Variants in STPG2 observed in about 807,000 individuals in gnomAD.
STPG2 encodes the protein sperm-tail PG-rich repeat-containing protein 2.
In STPG2, 56 loss-of-function variants were observed where a neutral mutation model predicts 54.2. The ratio of observed to expected loss-of-function variants is 1.03; its 90% CI spans 0.83 to 1.29. STPG2 has a LOEUF of 1.29. Ranked by LOEUF, STPG2 falls within the 50% of genes most tolerant of loss-of-function variation. The probability of loss-of-function intolerance (pLI) is 0.00; values close to 1 mark genes in which losing one functional copy is unlikely to be tolerated. For synonymous variants in STPG2, 200 were observed against 181.8 expected (o/e 1.10, Z -0.81); for missense variants, 596 against 544.9 (o/e 1.09, Z -0.93).
chr4:98,131,159 CTTTT>C (rs1012995807), intron 2 of STPG2, among the ~76,000 whole-genome samples: 3 of 151,876 alleles, frequency 2.0e-5, no homozygotes, highest in African/African-American at 7.3e-5. Context: ...TTTTCCCATT[CTTTT>C]TAACTACTCG....
intron 10 of STPG2, among the ~76,000 whole-genome samples, chr4:97,631,831 C>A (rs947486085): frequency 1.3e-5 from 2 of 151,980 alleles, no homozygotes; most frequent in African/African-American, 4.8e-5. Context: ...TTTGACAATG[C>A]AAGGGTATGT....
intron 8 of STPG2, among the ~76,000 whole-genome samples, chr4:97,929,043 C>T (rs1176779218): frequency 6.6e-6 from 1 of 152,112 alleles, no homozygotes; most frequent in Admixed American, 6.5e-5. Flanking sequence ...CCACCCTCCA[C>T]CCTCAAGTAG....
chr4:97,583,370 T>G (rs1322254670), intron 10 of STPG2, among the ~76,000 whole-genome samples: 1 of 151,986 alleles, frequency 6.6e-6, no homozygotes, highest in Non-Finnish European at 1.5e-5. Context: ...AGTAGAGAAC[T>G]AGTCTCATCA....
chr4:98,143,249 C>G lies in STPG2; in HGVS notation c.-99G>C. On this transcript the variant is annotated 5_prime_UTR_variant, in exon 1 of 11. Transcript: ENST00000295268. ...GGAGAAAAAGGAAGCCGACACCAGT[C>G]TGAGGAGGCCGGGAAAGAACTTCCG... is the stretch of plus-strand genomic sequence containing the variant. 1 of 860,430 alleles carries G rather than the reference C, an allele frequency of 1.2e-6. No individual in the cohort carries two copies. Among genetic ancestry groups the G allele is most frequent in the Admixed American group, 2.8e-5 (1 of 36,272 alleles). The allele number at this position is 860,430 out of a possible 1,614,324, so 53.3% of individuals were successfully genotyped here. A position where few individuals can be genotyped will look rare whatever the true frequency, so the allele number is the denominator to read the frequency against.
In STPG2 at chr4:97,774,952, C is replaced by G. The variant is rs59731239; in HGVS notation, c.1205-62138G>C. 6.2e-3 allele frequency among the ~76,000 whole-genome samples: 943 copies of G among 152,290 alleles called. 9 individuals are homozygous for G. The highest frequency in any genetic ancestry group is 0.021 in the African/African-American group (882 of 41,550). ...TTGAGGAGTCTTCCCATATGACCGG[C>G]TCAGTGATGTCCAAACACAGGCAAT... On this transcript the variant is annotated intron_variant, in intron 9 of 10. Coordinates refer to ENST00000295268, the MANE Select transcript of STPG2 (RefSeq NM_174952.3).
chr4:98,139,876 T>G (rs777543176), intron 1 of STPG2, among the ~76,000 whole-genome samples: 6 of 152,232 alleles, frequency 3.9e-5, no homozygotes, highest in Non-Finnish European at 7.4e-5. Context: ...TAATTTTATT[T>G]CAAGATTACT....
intron 8 of STPG2, among the ~76,000 whole-genome samples, chr4:97,882,771 C>T (rs1730425803): frequency 6.6e-6 from 1 of 152,058 alleles, no homozygotes; most frequent in Non-Finnish European, 1.5e-5. Flanking sequence ...AGCCAAGCCT[C>T]CAAACCAACT....
At chr4:97,813,654 C>T (rs2149098724) in intron 9 of STPG2, among the ~76,000 whole-genome samples, 1 of 102,804 alleles carries the variant, frequency 9.7e-6, no homozygotes, top group East Asian at 2.9e-4. Flanking sequence ...CCAGCTTGGG[C>T]AGCATAGCAA....
At chr4:97,515,030 C>A (rs945199833) in intron 4 of STPG2, among the ~76,000 whole-genome samples, 2 of 151,942 alleles carry the variant, frequency 1.3e-5, no homozygotes, top group Non-Finnish European at 2.9e-5. Flanking sequence ...TTGACAAAAT[C>A]AAAAATTTAT....
chr4:97,888,155 T>A (rs746511244), intron 8 of STPG2, among the ~76,000 whole-genome samples: 6 of 152,138 alleles, frequency 3.9e-5, no homozygotes, highest in Non-Finnish European at 8.8e-5. Flanking sequence ...ACTAGGGCAG[T>A]GCAGAGGGAA....
chr4:97,944,802 C>A (rs1237896335), intron 7 of STPG2, among the ~76,000 whole-genome samples: 9 of 152,104 alleles, frequency 5.9e-5, no homozygotes, highest in Non-Finnish European at 1.0e-4. Context: ...CCATTACCCA[C>A]CTAATGTATC....
intron 9 of STPG2, among the ~76,000 whole-genome samples, chr4:97,761,766 A>G (rs1176182248): frequency 2.0e-5 from 3 of 152,200 alleles, no homozygotes; most frequent in African/African-American, 7.2e-5. Context: ...AGAAATGGAA[A>G]TGATGATCTT....
intron 9 of STPG2, among the ~76,000 whole-genome samples, chr4:97,834,846 C>T (rs957666420): frequency 7.2e-5 from 11 of 151,996 alleles, no homozygotes; most frequent in Non-Finnish European, 7.4e-5. Context: ...GACTGAGCTC[C>T]TCTCTACCCT....
chr4:97,951,484 G>T (rs1453716621), intron 7 of STPG2, among the ~76,000 whole-genome samples: 1 of 151,958 alleles, frequency 6.6e-6, no homozygotes, highest in African/African-American at 2.4e-5. Context: ...TGTTTTATTT[G>T]ACTGTGTTTT....
intron 10 of STPG2, among the ~76,000 whole-genome samples, chr4:97,616,913 A>T (rs1263908452): frequency 6.6e-6 from 1 of 152,186 alleles, no homozygotes; most frequent in African/African-American, 2.4e-5. Context: ...AAGGGGGCAT[A>T]TTATTTTAAA....
intron 5 of STPG2, among the ~76,000 whole-genome samples, chr4:98,081,765 T>C (rs1013064313): frequency 3.3e-5 from 5 of 152,200 alleles, no homozygotes; most frequent in Non-Finnish European, 5.9e-5. Context: ...TGAGGATGGC[T>C]AGAATGCTGC....
At chr4:97,536,613 C>T (rs2148857194) in intron 4 of STPG2, among the ~76,000 whole-genome samples, 1 of 152,234 alleles carries the variant, frequency 6.6e-6, no homozygotes, top group African/African-American at 2.4e-5. Context: ...AGAGAATGGT[C>T]CCAAACTAGG....
chr4:98,141,206 G>C (rs1740272208), intron 1 of STPG2, among the ~76,000 whole-genome samples: 1 of 151,506 alleles, frequency 6.6e-6, no homozygotes, highest in African/African-American at 2.4e-5. Flanking sequence ...ATGAGACAAG[G>C]AAAAAAAATC....
intron 9 of STPG2, among the ~76,000 whole-genome samples, chr4:97,720,672 A>G (rs1172778945): frequency 1.3e-5 from 2 of 152,034 alleles, no homozygotes; most frequent in African/African-American, 2.4e-5. Context: ...TCACTAGCAT[A>G]CCAAAAATAG....
Sources: allele counts gnomAD v4.1 joint callset (sites outside exome capture counted in the v4.1 genomes callset), GRCh38; gene constraint gnomAD v4.1.1; transcripts MANE v1.5; gene names NCBI Gene and HGNC (gene_info 2026-07-23, HGNC 2026-07-21).